The following ATP13A4 variants were observed in gnomAD, a reference collection of about 807,000 sequenced individuals.
ATP13A4 encodes the protein probable cation-transporting ATPase 13A4.
In ATP13A4, 114 loss-of-function variants were observed where a neutral mutation model predicts 142.5. That is an observed-to-expected ratio of 0.80 (90% CI 0.69 to 0.93). The LOEUF (loss-of-function observed/expected upper bound fraction) is 0.93. ATP13A4 is among the 40% of genes least tolerant of loss of function. The pLI, the probability that ATP13A4 is intolerant of heterozygous loss-of-function variation, is 0.00. For synonymous variants in ATP13A4, 488 were observed against 514.8 expected (o/e 0.95, Z 0.70); for missense variants, 1,392 against 1,454.0 (o/e 0.96, Z 0.69).
intron 8 of ATP13A4, among the ~76,000 whole-genome samples, chr3:193,471,277 T>A (rs1290001184): frequency 6.6e-6 from 1 of 152,136 alleles, no homozygotes; most frequent in Non-Finnish European, 1.5e-5. Flanking sequence ...AGGTTAATAT[T>A]CCCAGCTGAG....
chr3:193,583,963 A>C (rs963124279), intron 1 of ATP13A4, among the ~76,000 whole-genome samples: 2 of 152,206 alleles, frequency 1.3e-5, no homozygotes. Context: ...AGCTAGTTTC[A>C]GGTGTGGCTG....
At chr3:193,409,913 A>C (rs1203809820) in intron 28 of ATP13A4, among the ~76,000 whole-genome samples, 1 of 152,210 alleles carries the variant, frequency 6.6e-6, no homozygotes, top group East Asian at 1.9e-4. Flanking sequence ...TAATACAAGA[A>C]TGAATAAGAT....
intron 29 of ATP13A4, among the ~76,000 whole-genome samples, chr3:193,404,902 T>C (rs1487472354): frequency 6.6e-6 from 1 of 152,188 alleles, no homozygotes; most frequent in Non-Finnish European, 1.5e-5. Context: ...GCTACTCAAA[T>C]AACTCATACA....
chr3:193,419,365 G>A (rs1276697181), intron 25 of ATP13A4, among the ~76,000 whole-genome samples: 1 of 150,238 alleles, frequency 6.7e-6, no homozygotes, highest in Non-Finnish European at 1.5e-5. Flanking sequence ...CCTTGGCAAA[G>A]TGGTCCAACT....
At chr3:193,410,063 A>G (rs1714689471) in intron 28 of ATP13A4, among the ~76,000 whole-genome samples, 1 of 152,240 alleles carries the variant, frequency 6.6e-6, no homozygotes, top group Admixed American at 6.5e-5. Flanking sequence ...GCCGTGATTA[A>G]ATTGTAATAA....
intron 1 of ATP13A4, chr3:193,553,803 C>A (rs1447507792): frequency 6.6e-6 from 1 of 152,144 alleles, no homozygotes; most frequent in Admixed American, 6.5e-5. Flanking sequence ...AGTTTAGGAA[C>A]AAAGAATGTA....
chr3:193,498,475 T>G (rs998316475), intron 3 of ATP13A4, among the ~76,000 whole-genome samples: 1 of 152,206 alleles, frequency 6.6e-6, no homozygotes, highest in Non-Finnish European at 1.5e-5. Flanking sequence ...TTCCGTGAAC[T>G]GATGACCTAA....
intron 8 of ATP13A4, among the ~76,000 whole-genome samples, chr3:193,481,947 AG>A (rs1166377618): frequency 3.3e-5 from 5 of 152,210 alleles, no homozygotes; most frequent in African/African-American, 1.2e-4. Context: ...AGAAATTGAC[AG>A]GTTGTGTTCA....
intron 1 of ATP13A4, among the ~76,000 whole-genome samples, chr3:193,545,095 A>C: frequency 6.6e-6 from 1 of 152,234 alleles, no homozygotes; most frequent in East Asian, 1.9e-4. Context: ...ACATGAAATA[A>C]GATAGTCTCA....
intron 2 of ATP13A4, among the ~76,000 whole-genome samples, chr3:193,565,861 C>G (rs1199611965): frequency 6.6e-6 from 1 of 152,218 alleles, no homozygotes; most frequent in Admixed American, 6.5e-5. Flanking sequence ...GTTGAACGCA[C>G]CATTCCACTG....
At position 193,451,218 on chromosome 3, in the gene ATP13A4, G is replaced by A. The variant is rs548967286; in HGVS notation, c.2027+2883C>T. Among the ~76,000 whole-genome samples the A allele has an allele frequency of 9.2e-5, 14 of 152,296 alleles. No homozygotes were observed. The South Asian group carries it at 2.7e-3, about 29-fold the overall frequency. On this transcript the variant is annotated intron_variant, in intron 17 of 29. Coordinates refer to ENST00000342695, the MANE Select transcript of ATP13A4 (RefSeq NM_032279.4). Reference sequence around the variant, plus strand: ...ATCTTTCTCATGGTCCTGGTACTCAGGCCCCAGGCCTTGGTTATTTCTGCA... The same window carrying A: ...ATCTTTCTCATGGTCCTGGTACTCAAGCCCCAGGCCTTGGTTATTTCTGCA...
Position 193,468,114 on chromosome 3 carries a change from G to A in ATP13A4, c.944-628C>T, listed in dbSNP as rs551322179. ...GACTCGCTTGAACCCAGGAGGCAGA[G>A]GTTGTGGTGAGCCAAGATTGTGCCA... On this transcript the variant is annotated intron_variant, in intron 9 of 29. Transcript: ENST00000342695. Among the ~76,000 whole-genome samples the A allele has an allele frequency of 3.4e-3, 521 of 152,288 alleles. 1 individual carries two copies. The highest frequency in any genetic ancestry group is 0.012 in the African/African-American group (485 of 41,552).
chr3:193,430,394 C>T (rs1715904915), intron 25 of ATP13A4, among the ~76,000 whole-genome samples: 1 of 152,058 alleles, frequency 6.6e-6, no homozygotes, highest in South Asian at 2.1e-4. Flanking sequence ...TCAATACAGA[C>T]TAAATGTTGT....
chr3:193,424,497 G>T (rs938152832), intron 25 of ATP13A4, among the ~76,000 whole-genome samples: 1 of 149,362 alleles, frequency 6.7e-6, no homozygotes. Context: ...AGACCAATGG[G>T]ACAGAATAGA....
At chr3:193,403,718 A>G in intron 29 of ATP13A4, 2 of 967,436 alleles carry the variant, frequency 2.1e-6, no homozygotes, top group Non-Finnish European at 2.5e-6. Context: ...TATAACTTAT[A>G]ATTCATGAGA....
intron 1 of ATP13A4, among the ~76,000 whole-genome samples, chr3:193,531,702 C>G (rs76777192): frequency 3.7e-3 from 563 of 152,170 alleles, no homozygotes; most frequent in African/African-American, 0.013. Context: ...GGGGATATGT[C>G]AAGAGGGGTT....
intron 3 of ATP13A4, among the ~76,000 whole-genome samples, chr3:193,500,659 G>A (rs974824639): frequency 6.6e-6 from 1 of 152,204 alleles, no homozygotes; most frequent in Admixed American, 6.5e-5. Flanking sequence ...GGTAATGCTC[G>A]CCGGCTTGCC....
intron 1 of ATP13A4, among the ~76,000 whole-genome samples, chr3:193,520,446 G>A (rs755483118): frequency 6.6e-6 from 1 of 152,202 alleles, no homozygotes; most frequent in Non-Finnish European, 1.5e-5. Flanking sequence ...TCTTGAATGA[G>A]TGCTAGGATT....
intron 1 of ATP13A4, among the ~76,000 whole-genome samples, chr3:193,588,559 G>A (rs1421740181): frequency 1.3e-5 from 2 of 152,148 alleles, no homozygotes; most frequent in East Asian, 1.9e-4. Context: ...CCAGGCTTTG[G>A]TTAAGGGCCC....
Sources: gnomAD v4.1 joint callset for allele counts (sites outside exome capture counted in the v4.1 genomes callset) on GRCh38, gnomAD v4.1.1 for gene constraint, MANE v1.5 for transcripts, NCBI Gene and HGNC (gene_info 2026-07-23, HGNC 2026-07-21) for gene names.